Variants in TBC1D1 observed in about 807,000 individuals in gnomAD.
TBC1D1 encodes TBC1 domain family member 1, also known as TBC1 (tre-2/USP6, BUB2, cdc16) domain family, member 1.
Under a neutral mutation model 125.6 loss-of-function variants are expected in TBC1D1, and 89 were observed. The ratio of observed to expected loss-of-function variants is 0.71; its 90% CI spans 0.60 to 0.85. The LOEUF (loss-of-function observed/expected upper bound fraction) is 0.85, where lower values mean the gene tolerates loss of function less well. TBC1D1 is among the 40% of genes least tolerant of loss of function. The pLI is 0.00. For synonymous variants in TBC1D1, 565 were observed against 564.1 expected (o/e 1.00, Z -0.02); for missense variants, 1,377 against 1,469.2 (o/e 0.94, Z 1.03).
chr4:37,931,041 C>G (rs531536961), intron 2 of TBC1D1, among the ~76,000 whole-genome samples: 1 of 152,150 alleles, frequency 6.6e-6, no homozygotes, highest in South Asian at 2.1e-4. Context: ...TGCATGTCTC[C>G]TGTATGCCAT....
intron 12 of TBC1D1, among the ~76,000 whole-genome samples, chr4:38,088,732 G>A (rs910932160): frequency 1.1e-4 from 16 of 152,128 alleles, no homozygotes; most frequent in Admixed American, 9.2e-4. Context: ...ACCACTCTGA[G>A]GGGAGGCTCT....
At chr4:37,980,981 C>T (rs192409753) in intron 2 of TBC1D1, among the ~76,000 whole-genome samples, 41 of 151,666 alleles carry the variant, frequency 2.7e-4, no homozygotes, top group African/African-American at 9.2e-4. Context: ...CTCACTCTGT[C>T]GCCCAGGCTG....
At chr4:38,016,036 G>A (rs1455069888) in intron 3 of TBC1D1, among the ~76,000 whole-genome samples, 4 of 152,302 alleles carry the variant, frequency 2.6e-5, no homozygotes, top group Non-Finnish European at 5.9e-5. Flanking sequence ...CTGACTGTTT[G>A]ACTGCTGTGC....
At chr4:38,106,684 C>G (rs1761349351) in intron 15 of TBC1D1, among the ~76,000 whole-genome samples, 1 of 152,166 alleles carries the variant, frequency 6.6e-6, no homozygotes, top group African/African-American at 2.4e-5. Flanking sequence ...TCTCTTCATT[C>G]CCCTGCAGTA....
intron 16 of TBC1D1, among the ~76,000 whole-genome samples, chr4:38,116,889 C>T (rs778443103): frequency 7.2e-5 from 11 of 152,174 alleles, no homozygotes; most frequent in African/African-American, 1.2e-4. Context: ...TTGAGAGCAC[C>T]AAATTATGTG....
intron 2 of TBC1D1, among the ~76,000 whole-genome samples, chr4:37,933,549 T>C (rs946653421): frequency 6.6e-6 from 1 of 152,072 alleles, no homozygotes; most frequent in Non-Finnish European, 1.5e-5. Flanking sequence ...TGTTTCCTTA[T>C]TATGTAAACT....
At chr4:37,936,394 G>A (rs140730806) in intron 2 of TBC1D1, among the ~76,000 whole-genome samples, 321 of 152,286 alleles carry the variant, frequency 2.1e-3, no homozygotes, top group African/African-American at 7.3e-3. Context: ...ATGGATAAGG[G>A]GGGGTTACCG....
intron 12 of TBC1D1, among the ~76,000 whole-genome samples, chr4:38,081,217 T>G (rs1452213784): frequency 6.6e-6 from 1 of 152,126 alleles, no homozygotes; most frequent in Non-Finnish European, 1.5e-5. Context: ...GGAGCTTCTC[T>G]TGTGTTTGTT....
chr4:37,981,894 T>C (rs921443323), intron 2 of TBC1D1, among the ~76,000 whole-genome samples: 3 of 152,144 alleles, frequency 2.0e-5, no homozygotes, highest in Non-Finnish European at 4.4e-5. Flanking sequence ...TAGGAGGTGA[T>C]AGTGGTAGCT....
chr4:38,012,711 G>A (rs561416045), intron 2 of TBC1D1, among the ~76,000 whole-genome samples: 33 of 152,298 alleles, frequency 2.2e-4, no homozygotes, highest in African/African-American at 7.0e-4. Flanking sequence ...GCCTCTGTAT[G>A]ATGTATGATT....
At chr4:37,943,614 C>G (rs1013634377) in intron 2 of TBC1D1, among the ~76,000 whole-genome samples, 6 of 152,178 alleles carry the variant, frequency 3.9e-5, no homozygotes, top group African/African-American at 1.4e-4. Flanking sequence ...ATCCTTTCTT[C>G]CAGTTAATCG....
intron 13 of TBC1D1, among the ~76,000 whole-genome samples, chr4:38,090,951 C>T (rs1279589254): frequency 6.6e-6 from 1 of 152,170 alleles, no homozygotes. Context: ...GACCTTGATG[C>T]TTGTATAGAG....
Position 38,020,827 on chromosome 4 carries a change from T to C in TBC1D1, c.1077+132T>C, listed in dbSNP as rs1043879425. ...TTATTTGTCTTTAGTTATTTACTTA[T>C]GACTATTTAGTAAGCAGCTAATACA... On this transcript the variant is annotated intron_variant, in intron 5 of 19. Coordinates refer to ENST00000261439, the MANE Select transcript of TBC1D1 (RefSeq NM_015173.4). 3.8e-5 allele frequency: 26 copies of C among 677,842 alleles called. No individual in the cohort carries two copies. In the Middle Eastern group the frequency reaches 1.2e-3, roughly 32 times the overall value. 42.0% of individuals were successfully genotyped at this position (677,842 alleles called of 1,614,324 possible). A position where few individuals can be genotyped will look rare whatever the true frequency, so the allele number is the denominator to read the frequency against.
At chr4:38,056,031 C>A (rs999781799) in intron 12 of TBC1D1, among the ~76,000 whole-genome samples, 1 of 152,200 alleles carries the variant, frequency 6.6e-6, no homozygotes, top group African/African-American at 2.4e-5. Flanking sequence ...GGCCAGGATG[C>A]GTTAGGGGCC....
chr4:37,922,814 G>A (rs1721291561), intron 2 of TBC1D1, among the ~76,000 whole-genome samples: 1 of 152,082 alleles, frequency 6.6e-6, no homozygotes, highest in Admixed American at 6.5e-5. Context: ...TTGGTTTGGG[G>A]GTGGGCTTGT....
intron 11 of TBC1D1, 39 bp from the exon 14 acceptor site, chr4:38,054,160 C>G: frequency 6.3e-7 from 1 of 1,592,240 alleles, no homozygotes. Flanking sequence ...CCGTGAATTC[C>G]TCCCCACTAG....
chr4:37,925,533 T>A (rs1490300654), intron 2 of TBC1D1, among the ~76,000 whole-genome samples: 1 of 152,002 alleles, frequency 6.6e-6, no homozygotes, highest in East Asian at 1.9e-4. Context: ...CTGGCCAACA[T>A]GGTGAAACCC....
rs1043616949 is a variant in TBC1D1 at position 37,903,073 on chromosome 4, C to T, written c.417+561C>T. On this transcript the variant is annotated intron_variant, in intron 2 of 19. Transcript: ENST00000261439. The stretch of plus-strand genomic sequence containing the variant: ...GGCCAGTTTCCCAAGGCATAATGTT[C>T]ACTTAGGCAAAGGTCATTGATAAGA... 2.0e-5 allele frequency among the ~76,000 whole-genome samples: 3 copies of T among 152,188 alleles called. No homozygotes were observed. The South Asian group carries it at 6.2e-4, about 32-fold the overall frequency.
chr4:38,125,602 G>T (rs1367515353), intron 18 of TBC1D1, among the ~76,000 whole-genome samples: 1 of 152,048 alleles, frequency 6.6e-6, no homozygotes, highest in African/African-American at 2.4e-5. Flanking sequence ...CATGATGTGT[G>T]TGTGTGGTTT....
Sources: allele counts gnomAD v4.1 joint callset (sites outside exome capture counted in the v4.1 genomes callset), GRCh38; gene constraint gnomAD v4.1.1; transcripts MANE v1.5; gene names NCBI Gene and HGNC (gene_info 2026-07-23, HGNC 2026-07-21).